The following ARHGAP28 variants were observed in gnomAD, a reference collection of about 807,000 sequenced individuals.
The protein encoded by ARHGAP28 is rho GTPase-activating protein 28.
In ARHGAP28, 56 loss-of-function variants were observed where a neutral mutation model predicts 90.7. The observed-to-expected ratio is 0.62, with a 90% CI of 0.50 to 0.77. The LOEUF is 0.77. Ranked by LOEUF, ARHGAP28 falls within the 30% of genes least tolerant of loss-of-function variation. The pLI is 0.00. For synonymous variants in ARHGAP28, 308 were observed against 323.3 expected, an observed-to-expected ratio of 0.95 and a Z score of 0.51; for missense variants, 869 against 900.9, an observed-to-expected ratio of 0.96 and a Z score of 0.45.
rs541468503 is a variant in ARHGAP28, at chr18:6,880,207, C to T, written c.1291-1930C>T. 2.0e-5 allele frequency among the ~76,000 whole-genome samples: 3 copies of T among 152,268 alleles called. No homozygotes were observed. In the East Asian group the frequency reaches 5.8e-4, roughly 29 times the overall value. Reference sequence around the variant, plus strand: ...TGCCCATTACAAATCAGATGGAAATCGTCTTGGAAAATCATCTCGGATGAT... The same window carrying T: ...TGCCCATTACAAATCAGATGGAAATTGTCTTGGAAAATCATCTCGGATGAT... On this transcript the variant is annotated intron_variant, in intron 10 of 17. Transcript: ENST00000383472.
chr18:6,836,174 A>G (rs556151450), intron 2 of ARHGAP28: 2 of 152,464 alleles, frequency 1.3e-5, no homozygotes, highest in East Asian at 3.9e-4. Context: ...TGTGTTGGCC[A>G]GGTGAGACAC....
intron 1 of ARHGAP28, among the ~76,000 whole-genome samples, chr18:6,809,486 G>A (rs1322293167): frequency 6.6e-6 from 1 of 152,084 alleles, no homozygotes; most frequent in Non-Finnish European, 1.5e-5. Context: ...ATGGTTCTGT[G>A]GGTTGTACAG....
rs2057076919 is a variant in ARHGAP28, at chr18:6,870,686, ATAAACT to A, written c.912_917del (p.Leu305_Lys306del). ...ATGGTTACGGAGGCTCTAAAAAGAA[ATAAACT>A]TAAGAAATCAGAGATTAAGAAAGAA... is the stretch of plus-strand genomic sequence containing the variant. On this transcript the variant is annotated inframe_deletion, in exon 7 of 18. Transcript: ENST00000383472. 6.2e-7 allele frequency: 1 copy of A among 1,612,174 alleles called. No homozygotes were observed. Among genetic ancestry groups the A allele is most frequent in the Non-Finnish European group, 8.5e-7 (1 of 1,179,084 alleles).
intron 1 of ARHGAP28, among the ~76,000 whole-genome samples, chr18:6,793,140 C>T (rs543914804): frequency 1.6e-4 from 25 of 152,292 alleles, no homozygotes; most frequent in Non-Finnish European, 3.2e-4. Flanking sequence ...GATTTGACAT[C>T]TACAGCTGCT....
chr18:6,746,223 C>T (rs1034091275), intron 1 of ARHGAP28, among the ~76,000 whole-genome samples: 14 of 152,108 alleles, frequency 9.2e-5, no homozygotes, highest in Admixed American at 8.5e-4. Flanking sequence ...ATTCAGAGAA[C>T]GGAATGTTCT....
At chr18:6,888,278 A>G (rs1012193108) in intron 12 of ARHGAP28, among the ~76,000 whole-genome samples, 2 of 152,198 alleles carry the variant, frequency 1.3e-5, no homozygotes, top group Non-Finnish European at 2.9e-5. Flanking sequence ...TAATCATTCT[A>G]TATACAATAG....
rs529008844 is a variant in ARHGAP28 at position 6,849,834 on chromosome 18, A to G, written c.544-1200A>G. Among the ~76,000 whole-genome samples the G allele has an allele frequency of 2.6e-3, 396 of 151,916 alleles. 3 individuals carry two copies. The highest frequency in any genetic ancestry group is 0.01 in the Middle Eastern group (3 of 292). On this transcript the variant is annotated intron_variant, in intron 3 of 17. Coordinates refer to ENST00000383472, the MANE Select transcript of ARHGAP28 (RefSeq NM_001366230.1). The stretch of plus-strand genomic sequence containing the variant: ...TAGGATATGAAATCTTTTTTTTTCC[A>G]TCATCATCAGCACTCAGCTTTTTGT...
chr18:6,826,275 C>T (rs1600219616), intron 2 of ARHGAP28, among the ~76,000 whole-genome samples: 2 of 151,970 alleles, frequency 1.3e-5, no homozygotes, highest in East Asian at 3.9e-4. Context: ...TGTATGTCTT[C>T]TTTTGAAAAG....
At chr18:6,834,884 A>C (rs1230224947) in intron 2 of ARHGAP28, among the ~76,000 whole-genome samples, 3 of 152,154 alleles carry the variant, frequency 2.0e-5, no homozygotes, top group African/African-American at 7.2e-5. Context: ...GAAATACGGA[A>C]TCCTGAAAGA....
In ARHGAP28 at chr18:6,871,681, C is replaced by T. The variant is rs117489107; in HGVS notation, c.954+949C>T. On this transcript the variant is annotated intron_variant, in intron 7 of 17. Transcript: ENST00000383472. ...AGTCCTGAATACTCTGTGCTGATTA[C>T]GGTTGGATGCTTGATGAGCAGGGCC... Among the ~76,000 whole-genome samples, 1,014 of 152,214 alleles carry T rather than the reference C, an allele frequency of 6.7e-3. 16 individuals carry two copies. The highest frequency in any genetic ancestry group is 8.8e-3 in the Non-Finnish European group (601 of 68,028).
intron 1 of ARHGAP28, chr18:6,790,428 G>A (rs547604378): frequency 6.6e-6 from 1 of 152,152 alleles, no homozygotes; most frequent in African/African-American, 2.4e-5. Flanking sequence ...AGTCCAAAAT[G>A]TTCCAGTTTT....
intron 2 of ARHGAP28, among the ~76,000 whole-genome samples, chr18:6,825,903 T>G (rs2056658768): frequency 6.6e-6 from 1 of 152,214 alleles, no homozygotes; most frequent in South Asian, 2.1e-4. Flanking sequence ...TGTGAATAGC[T>G]TGGCGATGAA....
At chr18:6,739,062 A>G (rs894921492) in intron 1 of ARHGAP28, among the ~76,000 whole-genome samples, 7 of 152,238 alleles carry the variant, frequency 4.6e-5, no homozygotes, top group Non-Finnish European at 1.0e-4. Context: ...GTTTTGTGAC[A>G]CAGGAAGAAA....
At chr18:6,746,758 C>T (rs2056026574) in intron 1 of ARHGAP28, among the ~76,000 whole-genome samples, 1 of 151,994 alleles carries the variant, frequency 6.6e-6, no homozygotes, top group Admixed American at 6.6e-5. Flanking sequence ...GTCATGTTGA[C>T]ATTTGGAGAA....
At chr18:6,749,508 ATCAAC>A (rs2056051571) in intron 1 of ARHGAP28, among the ~76,000 whole-genome samples, 2 of 152,224 alleles carry the variant, frequency 1.3e-5, no homozygotes, top group Non-Finnish European at 2.9e-5. Flanking sequence ...TGAGATGTTA[ATCAAC>A]TCAAGTCTCC....
At chr18:6,735,018 C>G (rs183638067) in intron 1 of ARHGAP28, among the ~76,000 whole-genome samples, 39 of 152,236 alleles carry the variant, frequency 2.6e-4, no homozygotes, top group African/African-American at 8.9e-4. Flanking sequence ...GCCAGTTGCT[C>G]TATCCATTTT....
intron 2 of ARHGAP28, among the ~76,000 whole-genome samples, chr18:6,830,039 T>C (rs2056702958): frequency 6.6e-6 from 1 of 152,162 alleles, no homozygotes; most frequent in Non-Finnish European, 1.5e-5. Flanking sequence ...GTCTCCATAG[T>C]CCATAGCATT....
intron 1 of ARHGAP28, among the ~76,000 whole-genome samples, chr18:6,757,521 G>A (rs1011255689): frequency 1.3e-5 from 2 of 152,132 alleles, no homozygotes; most frequent in Admixed American, 1.3e-4. Flanking sequence ...TCATTATGAT[G>A]TTACTTTCTT....
chr18:6,862,448 A>G (rs1264662450), intron 5 of ARHGAP28, among the ~76,000 whole-genome samples: 3 of 152,230 alleles, frequency 2.0e-5, no homozygotes, highest in East Asian at 3.9e-4. Flanking sequence ...TATCTTTTCC[A>G]TAAGATAGCC....
Sources: gnomAD v4.1 joint callset for allele counts (sites outside exome capture counted in the v4.1 genomes callset) on GRCh38, gnomAD v4.1.1 for gene constraint, MANE v1.5 for transcripts, NCBI Gene and HGNC (gene_info 2026-07-23, HGNC 2026-07-21) for gene names.